ARFGEF3: variants seen among roughly 807,000 people sequenced by gnomAD.
ARFGEF3 encodes the protein ARFGEF family member 3.
ARFGEF3 carries 96 observed loss-of-function variants against 221.7 expected under a neutral mutation model. That is an observed-to-expected ratio of 0.43 (90% CI 0.37 to 0.51). ARFGEF3 has a LOEUF of 0.51. Among genes scored for constraint, ARFGEF3 ranks in the 20% least tolerant of loss-of-function variants. The pLI, the probability that ARFGEF3 is intolerant of heterozygous loss-of-function variation, is 0.00. For synonymous variants in ARFGEF3, 1,145 were observed against 1,126.8 expected (o/e 1.02, Z -0.32); for missense variants, 2,410 against 2,789.9 (o/e 0.86, Z 3.07).
intron 2 of ARFGEF3, among the ~76,000 whole-genome samples, chr6:138,191,720 A>G (rs939143553): frequency 6.6e-6 from 1 of 152,224 alleles, no homozygotes; most frequent in East Asian, 1.9e-4. Flanking sequence ...ATACAAAAAT[A>G]TAGCTGCTAT....
intron 12 of ARFGEF3, among the ~76,000 whole-genome samples, chr6:138,269,812 AAAG>A (rs1367057601): frequency 1.3e-5 from 2 of 149,392 alleles, no homozygotes; most frequent in Non-Finnish European, 2.9e-5. Flanking sequence ...TATCTCAAAA[AAAG>A]AAGAAAAAAA....
chr6:138,181,948 T>C (rs540482883), intron 2 of ARFGEF3, among the ~76,000 whole-genome samples: 3 of 152,342 alleles, frequency 2.0e-5, no homozygotes, highest in African/African-American at 7.2e-5. Flanking sequence ...AGCTCATCAA[T>C]TTAGTGATGT....
intron 2 of ARFGEF3, among the ~76,000 whole-genome samples, chr6:138,172,825 A>G (rs116763417): frequency 6.6e-6 from 1 of 152,308 alleles, no homozygotes; most frequent in African/African-American, 2.4e-5. Flanking sequence ...GTAGAAATGT[A>G]TTTTTAATAA....
At chr6:138,194,764 A>G (rs1317907835) in intron 2 of ARFGEF3, among the ~76,000 whole-genome samples, 1 of 152,118 alleles carries the variant, frequency 6.6e-6, no homozygotes, top group Non-Finnish European at 1.5e-5. Flanking sequence ...TTCTCTAGGG[A>G]GAAGAAAAAG....
At chr6:138,330,218 A>C (rs1780201544) in intron 32 of ARFGEF3, among the ~76,000 whole-genome samples, 2 of 152,186 alleles carry the variant, frequency 1.3e-5, no homozygotes, top group African/African-American at 4.8e-5. Context: ...GAGGCCTGAC[A>C]GTGGCACCTT....
intron 2 of ARFGEF3, among the ~76,000 whole-genome samples, chr6:138,205,179 C>T (rs1289829923): frequency 6.6e-6 from 1 of 152,178 alleles, no homozygotes; most frequent in Non-Finnish European, 1.5e-5. Flanking sequence ...TGCTGCTGGA[C>T]ATGGCATCCA....
rs891029881 is a variant in ARFGEF3, at chr6:138,307,271, G to C, written c.3847G>C (p.Glu1283Gln). The C allele has an allele frequency of 1.2e-6, 2 of 1,613,744 alleles. No individual in the cohort carries two copies. Among genetic ancestry groups the C allele is most frequent in the Admixed American group, 1.7e-5 (1 of 60,032 alleles). The change falls in exon 23 of 34, where the codon GAG (glutamate) becomes CAG (glutamine). Residue 1283 changes from glutamate (E) to glutamine (Q), a missense_variant. Glu to Gln is a conservative substitution (Grantham distance 29). Around this residue, in one of 5 missense-constraint regions of ARFGEF3, gnomAD observed 723 missense variants for 991.9 expected, o/e 0.73. Transcript: ENST00000251691. Reference protein sequence around the residue: ...VQDQVVTSIGELVEVCSTQIQ... With the variant: ...VQDQVVTSIGQLVEVCSTQIQ... ...CTACCAGGTTGTCACATCCATTGGTGAGCTGGTTGAAGTGTGTTCCACGCA... is the reference window on the plus strand; with the variant it reads ...CTACCAGGTTGTCACATCCATTGGTCAGCTGGTTGAAGTGTGTTCCACGCA...
In ARFGEF3 at chr6:138,162,076, G is replaced by A. The variant is rs202087509; in HGVS notation, c.-11G>A. ...CCCTGTGGGCGGCGGCCCGGCGCCT[G>A]GAAGGTCAAGATGGAAGAAATCCTG... On this transcript the variant is annotated 5_prime_UTR_variant, in exon 1 of 34. Transcript: ENST00000251691. This position sits in a 1 kb window ranked among gnomAD's most constrained non-coding sequence, Gnocchi z 4.7. 2.7e-4 allele frequency: 424 copies of A among 1,574,940 alleles called. No individual in the cohort carries two copies. The African/African-American group carries it at 5.2e-3, about 19-fold the overall frequency.
At chr6:138,214,359 C>T (rs114150907) in intron 4 of ARFGEF3, among the ~76,000 whole-genome samples, 1,769 of 152,302 alleles carry the variant, frequency 0.012, 29 homozygotes, top group African/African-American at 0.04. Flanking sequence ...CTATAAAAAT[C>T]TTCCAGTCAT....
intron 4 of ARFGEF3, among the ~76,000 whole-genome samples, chr6:138,225,389 T>C (rs1162259727): frequency 1.3e-5 from 2 of 152,224 alleles, no homozygotes; most frequent in African/African-American, 2.4e-5. Flanking sequence ...TTCCCTCCCT[T>C]TTCTCTCCAG....
chr6:138,308,691 G>C (rs377351025), intron 23 of ARFGEF3, 48 bp from the exon 24 acceptor site: 2 of 1,609,670 alleles, frequency 1.2e-6, no homozygotes, highest in African/African-American at 2.7e-5. Context: ...TGGCAAACCC[G>C]AGGGCAGAAA....
At chr6:138,311,985 G>A (rs901248037) in intron 25 of ARFGEF3, among the ~76,000 whole-genome samples, 5 of 152,176 alleles carry the variant, frequency 3.3e-5, no homozygotes, top group South Asian at 2.1e-4. Context: ...GTAAAATCCC[G>A]TCTCTAGTAA....
intron 27 of ARFGEF3, 138 bp from the exon 28 acceptor site, chr6:138,319,565 C>T: frequency 1.6e-6 from 1 of 640,148 alleles, no homozygotes; most frequent in Non-Finnish European, 2.7e-6. Context: ...ATATATTCCC[C>T]CATCAGCAGT....
chr6:138,257,016 C>T lies in ARFGEF3; in HGVS notation c.1104+1247C>T, dbSNP rs1160780244. Among the ~76,000 whole-genome samples, 3 of 152,124 alleles carry T rather than the reference C, an allele frequency of 2.0e-5. No homozygotes were observed. The East Asian group carries it at 5.8e-4, about 29-fold the overall frequency. On this transcript the variant is annotated intron_variant, in intron 10 of 33. Transcript: ENST00000251691. ...CTCAAACTCCTGAGCTCAAGCAATCCGCCCGCCTCAGCCTTCCAAAGTGCT... is the reference window on the plus strand; with the variant it reads ...CTCAAACTCCTGAGCTCAAGCAATCTGCCCGCCTCAGCCTTCCAAAGTGCT...
At chr6:138,179,597 C>T (rs1777021228) in intron 2 of ARFGEF3, among the ~76,000 whole-genome samples, 3 of 152,130 alleles carry the variant, frequency 2.0e-5, no homozygotes, top group South Asian at 2.1e-4. Context: ...TATTCCTCCT[C>T]GTCTTGACGT....
intron 4 of ARFGEF3, among the ~76,000 whole-genome samples, chr6:138,215,134 G>A (rs1354505610): frequency 2.6e-5 from 4 of 152,200 alleles, no homozygotes; most frequent in East Asian, 1.9e-4. Context: ...AGCCATGTAC[G>A]GATCTAATGA....
intron 2 of ARFGEF3, among the ~76,000 whole-genome samples, chr6:138,191,772 T>A (rs188615731): frequency 6.6e-6 from 1 of 152,218 alleles, no homozygotes; most frequent in Non-Finnish European, 1.5e-5. Context: ...TCAGGTAGTC[T>A]TCTCTACTTC....
chr6:138,290,174 C>T (rs1271630027), intron 18 of ARFGEF3, among the ~76,000 whole-genome samples: 2 of 152,134 alleles, frequency 1.3e-5, no homozygotes, highest in South Asian at 2.1e-4. Context: ...TTTTGAAGAA[C>T]AGGGGACAGA....
intron 24 of ARFGEF3, among the ~76,000 whole-genome samples, chr6:138,311,144 G>A (rs1779819687): frequency 6.6e-6 from 1 of 152,212 alleles, no homozygotes; most frequent in African/African-American, 2.4e-5. Flanking sequence ...TAGTGGAAGG[G>A]TGAGTTACCA....
Sources: gnomAD v4.1 joint callset for allele counts (sites outside exome capture counted in the v4.1 genomes callset) on GRCh38, gnomAD v4.1.1 for gene constraint, gnomAD v4.1.1 regional missense constraint, Gnocchi (gnomAD v3.1) non-coding constraint, MANE v1.5 for transcripts, NCBI Gene and HGNC (gene_info 2026-07-23, HGNC 2026-07-21) for gene names.